Variants in DOCK8 observed in about 807,000 individuals in gnomAD.
The protein encoded by DOCK8 is dedicator of cytokinesis protein 8.
DOCK8 carries 141 observed loss-of-function variants against 245.6 expected under a neutral mutation model. The observed-to-expected ratio is 0.57, with a 90% confidence interval of 0.50 to 0.66. The LOEUF (loss-of-function observed/expected upper bound fraction) is 0.66, where lower values mean the gene tolerates loss of function less well. DOCK8 is among the 30% of genes least tolerant of loss of function. The pLI is 0.00. For missense variants in DOCK8, 2,965 were observed against 2,603.4 expected, an observed-to-expected ratio of 1.14 and a Z score of -3.02; for synonymous variants, 1,168 against 970.2, an observed-to-expected ratio of 1.20 and a Z score of -3.79.
In DOCK8 at chr9:246,073, T is replaced by G. The variant is rs553726633; in HGVS notation, c.54-25554T>G. ...AGTCTCTACTAAAAATACAAAAAAT[T>G]GGCCAGGCATAGTGGCGTACCTGTA... On this transcript the variant is annotated intron_variant, in intron 1 of 47. Transcript: ENST00000432829. Among the ~76,000 whole-genome samples, 231 of 151,968 alleles carry G rather than the reference T, an allele frequency of 1.5e-3. No individual in the cohort carries two copies. The South Asian group carries it at 0.021, about 14-fold the overall frequency.
chr9:310,672 T>G (rs10969550), intron 5 of DOCK8, among the ~76,000 whole-genome samples: 119,435 of 152,120 alleles, frequency 0.79, 46,962 homozygotes, highest in East Asian at 0.85. Flanking sequence ...TATTGGCCAG[T>G]CTGATCTTGA....
intron 40 of DOCK8, 24 bp downstream of exon 40, chr9:439,412 G>A: frequency 6.2e-7 from 1 of 1,610,426 alleles, no homozygotes; most frequent in Non-Finnish European, 8.5e-7. Context: ...GGGCATCCCG[G>A]GGCCTGGCCT....
Position 439,385 on chromosome 9 carries a change from C to T in DOCK8, c.5220C>T (p.Ser1740=), listed in dbSNP as rs1335573343. Residue 1740 remains serine, a synonymous_variant, in exon 40 of 48, where the codon AGC becomes AGT. Transcript: ENST00000432829. The part of the protein sequence containing the change: ...GLLEQAAELF[S]TGGLYETVNE... ...TGGAGCAGGCCGCGGAGCTCTTCAG[C>T]ACGGTCAGTGCCCAGAGGGCATCCC... 2 of 1,613,010 alleles carry T rather than the reference C, an allele frequency of 1.2e-6. No individual in the cohort carries two copies. Among genetic ancestry groups the T allele is most frequent in the Non-Finnish European group, 1.7e-6 (2 of 1,179,962 alleles).
chr9:226,600 G>C (rs2046994656), intron 1 of DOCK8, among the ~76,000 whole-genome samples: 2 of 152,052 alleles, frequency 1.3e-5, no homozygotes, highest in Admixed American at 6.6e-5. Flanking sequence ...TGACGAATTA[G>C]ATATGGGGTG....
At position 443,432 on chromosome 9, in the gene DOCK8, T is replaced by A. The variant is rs1410324410; in HGVS notation, c.5496T>A (p.Phe1832Leu). The A allele has an allele frequency of 6.2e-7, 1 of 1,613,984 alleles. No individual in the cohort carries two copies. Among genetic ancestry groups the A allele is most frequent in the Non-Finnish European group, 8.5e-7 (1 of 1,179,992 alleles). ...LPEISHRLEA[F>L]YGQCFGAEFV... ...TGTTGGTTCTTCTTACCTAGGCATTTTATGGTCAATGTTTTGGTGCAGAAT... is the reference window on the plus strand; with the variant it reads ...TGTTGGTTCTTCTTACCTAGGCATTATATGGTCAATGTTTTGGTGCAGAAT... Residue 1832 changes from phenylalanine to leucine, a missense_variant, in exon 43 of 48, where the codon TTT becomes TTA. Around this residue, in one of 3 missense-constraint regions of DOCK8, gnomAD observed 2,825 missense variants for 2,453.5 expected, o/e 1.15. Coordinates refer to ENST00000432829, the MANE Select transcript of DOCK8 (RefSeq NM_203447.4).
Position 446,391 on chromosome 9 carries a change from G to C in DOCK8, c.5602G>C (p.Val1868Leu), listed in dbSNP as rs375218876. 56 of 1,614,192 alleles carry C rather than the reference G, an allele frequency of 3.5e-5. 1 individual carries two copies. In the African/African-American group the frequency reaches 7.3e-4, roughly 21 times the overall value. Reference sequence around the variant, plus strand: ...TTAGGCCTACATACAGATCACTTTTGTGGAGCCCTACTTTGATGAGTATGA... The same window carrying C: ...TTAGGCCTACATACAGATCACTTTTCTGGAGCCCTACTTTGATGAGTATGA... ...PNKAYIQITF[V>L]EPYFDEYEMK... The change falls in exon 44 of 48, where the codon GTG (valine) becomes CTG (leucine). Residue 1868 changes from valine (V) to leucine (L), a missense_variant. By Grantham distance (32) the Val-to-Leu change is conservative. Around this residue, in one of 3 missense-constraint regions of DOCK8, gnomAD observed 2,825 missense variants for 2,453.5 expected, o/e 1.15. Coordinates refer to ENST00000432829, the MANE Select transcript of DOCK8 (RefSeq NM_203447.4).
chr9:281,639 GC>G (rs1382402543), intron 2 of DOCK8, among the ~76,000 whole-genome samples: 1 of 87,972 alleles, frequency 1.1e-5, no homozygotes, highest in African/African-American at 3.9e-5. Flanking sequence ...ATGTTTGTGT[GC>G]CTGTGTGTGT....
chr9:325,701 C>T lies in DOCK8; in HGVS notation c.858C>T (p.Ala286=). 1 of 1,614,074 alleles carries T rather than the reference C, an allele frequency of 6.2e-7. No homozygotes were observed. The highest frequency in any genetic ancestry group is 1.1e-5 in the South Asian group (1 of 91,088). Residue 286 remains alanine (A), a synonymous_variant, in exon 8 of 48, where the codon GCC becomes GCT. Transcript: ENST00000432829. ...AGATTGAAATTGAGCCCCTGTTTGC[C>T]AGCATTGCCCTCTACGATGTTAAAG... ...KFEIEIEPLF[A]SIALYDVKER...
intron 1 of DOCK8, among the ~76,000 whole-genome samples, chr9:243,954 G>A (rs896137620): frequency 2.0e-5 from 3 of 152,026 alleles, no homozygotes; most frequent in Non-Finnish European, 4.4e-5. Flanking sequence ...GGAGGCCGAG[G>A]CGGGCAGATC....
At chr9:386,980 A>T (rs1374159376) in intron 23 of DOCK8, among the ~76,000 whole-genome samples, 1 of 152,222 alleles carries the variant, frequency 6.6e-6, no homozygotes, top group Non-Finnish European at 1.5e-5. Flanking sequence ...TAAACTGCTT[A>T]CCAGGATTTT....
chr9:214,859 C>T (rs767707980), upstream of DOCK8: 1 of 1,602,498 alleles, frequency 6.2e-7, no homozygotes, highest in South Asian at 1.1e-5. Flanking sequence ...GTTTCCAGCG[C>T]CGACCGACAG....
chr9:304,577 A>C lies in DOCK8; in HGVS notation c.405-4A>C. 6.2e-7 allele frequency: 1 copy of C among 1,614,082 alleles called. No homozygotes were observed. The highest frequency in any genetic ancestry group is 8.5e-7 in the Non-Finnish European group (1 of 1,180,006). ...CTCTCCAAATTAAATATCAACCATA[A>C]AAGAAACCAAGGAAGTCCAGAAATC... is the stretch of plus-strand genomic sequence containing the variant. On this transcript the variant is annotated splice_region_variant and splice_polypyrimidine_tract_variant and intron_variant, in intron 4 of 47. Transcript: ENST00000432829.
intron 3 of DOCK8, among the ~76,000 whole-genome samples, chr9:286,939 G>C (rs2048848303): frequency 6.6e-6 from 1 of 152,188 alleles, no homozygotes; most frequent in South Asian, 2.1e-4. Context: ...CTGGCTGCCA[G>C]CTCAGTGACC....
intron 7 of DOCK8, among the ~76,000 whole-genome samples, chr9:319,552 A>G (rs1490016655): frequency 6.6e-6 from 1 of 152,240 alleles, no homozygotes; most frequent in Non-Finnish European, 1.5e-5. Flanking sequence ...GTAAGCCTAG[A>G]ATGTGACAGT....
rs200839477 is a variant in DOCK8, at chr9:336,735, C to T, written c.1422+17C>T. 6.8e-4 allele frequency: 1,092 copies of T among 1,613,862 alleles called. 7 individuals carry two copies. Among genetic ancestry groups the T allele is most frequent in the South Asian group, 1.8e-3 (162 of 91,064 alleles). On this transcript the variant is annotated intron_variant, in intron 12 of 47. Coordinates refer to ENST00000432829, the MANE Select transcript of DOCK8 (RefSeq NM_203447.4). The stretch of plus-strand genomic sequence containing the variant: ...TTCAAGCAGGTATCTCTTCACATTA[C>T]AGTGTGTCTGGATTTTTCCCCATAC...
upstream of DOCK8, among the ~76,000 whole-genome samples, chr9:211,541 G>C (rs982564794): frequency 6.6e-6 from 1 of 152,126 alleles, no homozygotes; most frequent in Non-Finnish European, 1.5e-5. Flanking sequence ...TTGTTATCTA[G>C]GTATTAATTT....
chr9:443,574 C>G lies in DOCK8; in HGVS notation c.5580+58C>G, dbSNP rs143566867. On this transcript the variant is annotated intron_variant, in intron 43 of 47. Coordinates refer to ENST00000432829, the MANE Select transcript of DOCK8 (RefSeq NM_203447.4). ...GCTCTAAATCCCTTCGTTCTCTACC[C>G]AAGAATACCTAATGATCTCATCTAT... The G allele has an allele frequency of 1.2e-4, 162 of 1,328,306 alleles. No homozygotes were observed. The African/African-American group carries it at 2.0e-3, about 16-fold the overall frequency. 82.3% of individuals were successfully genotyped at this position (1,328,306 alleles called of 1,614,324 possible).
At chr9:438,426 TTTC>T (rs1250175767) in intron 39 of DOCK8, among the ~76,000 whole-genome samples, 1 of 152,226 alleles carries the variant, frequency 6.6e-6, no homozygotes, top group Non-Finnish European at 1.5e-5. Context: ...TTCTTCTGTT[TTTC>T]ATATGCATTT....
At chr9:245,933 C>T (rs1373261871) in intron 1 of DOCK8, among the ~76,000 whole-genome samples, 1 of 152,130 alleles carries the variant, frequency 6.6e-6, no homozygotes. Context: ...AAAAATTGGG[C>T]ATCTGGCTGG....
Sources: allele counts gnomAD v4.1 joint callset (sites outside exome capture counted in the v4.1 genomes callset), GRCh38; gene constraint gnomAD v4.1.1; regional missense constraint gnomAD v4.1.1; transcripts MANE v1.5; gene names NCBI Gene and HGNC (gene_info 2026-07-23, HGNC 2026-07-21).